The following RIMS2 variants were observed in gnomAD, a reference collection of about 807,000 sequenced individuals.
RIMS2 encodes regulating synaptic membrane exocytosis 2.
In RIMS2, 59 loss-of-function variants were observed where a neutral mutation model predicts 174.4. That is an observed-to-expected ratio of 0.34 (90% CI 0.27 to 0.42). RIMS2 has a LOEUF of 0.42. RIMS2 is among the 10% of genes least tolerant of loss of function. The probability of loss-of-function intolerance (pLI) is 1.00; values close to 1 mark genes in which losing one functional copy is unlikely to be tolerated. For missense variants in RIMS2, 1,620 were observed against 1,666.3 expected, an observed-to-expected ratio of 0.97 and a Z score of 0.48; for synonymous variants, 606 against 572.5, an observed-to-expected ratio of 1.06 and a Z score of -0.84.
chr8:104,048,282 A>G (rs926930259), intron 19 of RIMS2, among the ~76,000 whole-genome samples: 7 of 152,218 alleles, frequency 4.6e-5, no homozygotes, highest in African/African-American at 1.7e-4. Context: ...GGATATATAC[A>G]GACATTTCTC....
intron 19 of RIMS2, among the ~76,000 whole-genome samples, chr8:104,211,212 A>T (rs2099103844): frequency 6.6e-6 from 1 of 152,226 alleles, no homozygotes; most frequent in Admixed American, 6.5e-5. Flanking sequence ...GAAGAGAATA[A>T]AATATAAACA....
At chr8:103,740,211 G>C (rs1340113778) in intron 2 of RIMS2, among the ~76,000 whole-genome samples, 3 of 152,094 alleles carry the variant, frequency 2.0e-5, no homozygotes, top group African/African-American at 7.2e-5. Context: ...GAGAAAGGAG[G>C]GGAAGAATAT....
chr8:103,575,891 A>G (rs1041061652), intron 1 of RIMS2, among the ~76,000 whole-genome samples: 1 of 152,090 alleles, frequency 6.6e-6, no homozygotes, highest in African/African-American at 2.4e-5. Context: ...CAGTTTCTAC[A>G]CTGGAAAAAG....
At chr8:104,056,175 C>T (rs894140533) in intron 19 of RIMS2, among the ~76,000 whole-genome samples, 3 of 152,030 alleles carry the variant, frequency 2.0e-5, no homozygotes, top group Non-Finnish European at 2.9e-5. Flanking sequence ...GAGGCCAAGG[C>T]GGGCAGATCA....
intron 19 of RIMS2, among the ~76,000 whole-genome samples, chr8:104,029,684 A>G (rs969248036): frequency 2.6e-5 from 4 of 152,168 alleles, no homozygotes; most frequent in Non-Finnish European, 5.9e-5. Flanking sequence ...TATTTTTAAA[A>G]CAGCCTATTT....
At chr8:103,640,923 A>T (rs1028537199) in intron 1 of RIMS2, among the ~76,000 whole-genome samples, 1 of 152,070 alleles carries the variant, frequency 6.6e-6, no homozygotes, top group Non-Finnish European at 1.5e-5. Flanking sequence ...TGCCAACTGT[A>T]TATGTCAATT....
At chr8:104,115,079 A>T (rs1319923372) in intron 19 of RIMS2, among the ~76,000 whole-genome samples, 1 of 152,116 alleles carries the variant, frequency 6.6e-6, no homozygotes, top group Non-Finnish European at 1.5e-5. Flanking sequence ...AAGATTATAA[A>T]TGTATTTCAG....
intron 1 of RIMS2, among the ~76,000 whole-genome samples, chr8:103,591,229 T>C (rs550693703): frequency 1.3e-5 from 2 of 151,132 alleles, no homozygotes; most frequent in Non-Finnish European, 3.0e-5. Flanking sequence ...TCTGTTCAAA[T>C]GTTTTGCTCA....
intron 1 of RIMS2, among the ~76,000 whole-genome samples, chr8:103,508,487 A>G (rs1482592452): frequency 6.6e-6 from 1 of 150,696 alleles, no homozygotes; most frequent in African/African-American, 2.4e-5. Context: ...AAGACGATGC[A>G]GGACATGGTC....
At chr8:103,628,552 C>G (rs1480431892) in intron 1 of RIMS2, among the ~76,000 whole-genome samples, 1 of 151,836 alleles carries the variant, frequency 6.6e-6, no homozygotes, top group Non-Finnish European at 1.5e-5. Flanking sequence ...CGGGGTTTCT[C>G]CATGTTGGTC....
At chr8:103,669,200 A>G (rs572571415) in intron 1 of RIMS2, among the ~76,000 whole-genome samples, 11 of 152,326 alleles carry the variant, frequency 7.2e-5, no homozygotes, top group African/African-American at 2.6e-4. Flanking sequence ...GTTTCCCCTT[A>G]TGAAACCATC....
chr8:103,610,210 A>G (rs896965990), intron 1 of RIMS2, among the ~76,000 whole-genome samples: 1 of 152,160 alleles, frequency 6.6e-6, no homozygotes, highest in Non-Finnish European at 1.5e-5. Flanking sequence ...GAAGTTGTTT[A>G]TCAGACCAAG....
chr8:103,944,303 T>G (rs2083216618), intron 14 of RIMS2, among the ~76,000 whole-genome samples: 1 of 152,100 alleles, frequency 6.6e-6, no homozygotes, highest in Admixed American at 6.5e-5. Context: ...TAAATTAATT[T>G]TATTCTTTGT....
intron 19 of RIMS2, 111 bp from the exon 22 acceptor site, chr8:104,041,215 C>T (rs1239027899): frequency 8.3e-6 from 4 of 484,480 alleles, no homozygotes; most frequent in Non-Finnish European, 1.5e-5. Flanking sequence ...AGGATTCTTT[C>T]TCAAAATGAT....
chr8:103,610,501 T>C (rs1248505182), intron 1 of RIMS2, among the ~76,000 whole-genome samples: 1 of 152,210 alleles, frequency 6.6e-6, no homozygotes, highest in East Asian at 1.9e-4. Flanking sequence ...TTGACGTATG[T>C]TCCTTCAGTG....
chr8:103,752,889 A>G (rs2097913371), intron 2 of RIMS2, among the ~76,000 whole-genome samples: 1 of 152,144 alleles, frequency 6.6e-6, no homozygotes, highest in African/African-American at 2.4e-5. Context: ...AACAGGGACA[A>G]TTTGACTTCC....
chr8:104,114,122 T>A (rs903017367), intron 19 of RIMS2, among the ~76,000 whole-genome samples: 1 of 152,090 alleles, frequency 6.6e-6, no homozygotes, highest in Non-Finnish European at 1.5e-5. Flanking sequence ...CAATGTTATT[T>A]GAACTGAAAA....
At chr8:103,593,213 G>C (rs1225014048) in intron 1 of RIMS2, among the ~76,000 whole-genome samples, 5 of 151,352 alleles carry the variant, frequency 3.3e-5, no homozygotes, top group Non-Finnish European at 7.4e-5. Context: ...CTGAAGTTTT[G>C]AAGACTTTTC....
intron 3 of RIMS2, among the ~76,000 whole-genome samples, chr8:103,798,261 A>G (rs2098568361): frequency 6.6e-6 from 1 of 152,232 alleles, no homozygotes; most frequent in South Asian, 2.1e-4. Flanking sequence ...AATGTAATTT[A>G]GAAATATATA....
Sources: gnomAD v4.1 joint callset for allele counts (sites outside exome capture counted in the v4.1 genomes callset) on GRCh38, gnomAD v4.1.1 for gene constraint, MANE v1.5 for transcripts, NCBI Gene and HGNC (gene_info 2026-07-23, HGNC 2026-07-21) for gene names.